Variants in SERPINA12 observed in about 807,000 individuals in gnomAD.
The protein encoded by SERPINA12 is serpin family A member 12.
In SERPINA12, 21 loss-of-function variants were observed where a neutral mutation model predicts 25.9. The observed-to-expected ratio is 0.81, with a 90% confidence interval of 0.58 to 1.17. The LOEUF is 1.17. SERPINA12 is among the 50% of genes most tolerant of loss of function. The pLI is 0.00. For missense variants in SERPINA12, 562 were observed against 508.3 expected, an observed-to-expected ratio of 1.11 and a Z score of -1.02; for synonymous variants, 220 against 196.0, an observed-to-expected ratio of 1.12 and a Z score of -1.02.
rs180807632 is a variant in SERPINA12, at chr14:94,490,029, C to T, written c.906-262G>A. ...AGTGTTCTCAAGTCTCAAGTTCCCC[C>T]GTCTCAGAGCCCCTTCAGCCACAGT... is the stretch of plus-strand genomic sequence containing the variant. On this transcript the variant is annotated intron_variant, in intron 3 of 4. Coordinates refer to ENST00000677451, the MANE Select transcript of SERPINA12 (RefSeq NM_001382267.1). Among the ~76,000 whole-genome samples, 1,109 of 152,128 alleles carry T rather than the reference C, an allele frequency of 7.3e-3. 10 individuals are homozygous for T. The highest frequency in any genetic ancestry group is 0.02 in the South Asian group (94 of 4,816).
upstream of SERPINA12, chr14:94,509,910 G>A: frequency 2.2e-6 from 2 of 890,660 alleles, no homozygotes; most frequent in Non-Finnish European, 2.7e-6. Flanking sequence ...GGACAGGACA[G>A]GAATGGGTGT....
chr14:94,516,443 A>T (rs892701364), intron 1 of SERPINA12, among the ~76,000 whole-genome samples: 23 of 152,200 alleles, frequency 1.5e-4, no homozygotes, highest in African/African-American at 5.5e-4. Context: ...TGAGACCTGG[A>T]GAACTGAAGG....
At chr14:94,505,817 G>A (rs1900910767) in intron 1 of SERPINA12, among the ~76,000 whole-genome samples, 1 of 152,230 alleles carries the variant, frequency 6.6e-6, no homozygotes, top group Non-Finnish European at 1.5e-5. Flanking sequence ...GCAGCACTGG[G>A]GATGCCTGAG....
chr14:94,487,498 C>T lies in SERPINA12; in HGVS notation c.1054-4G>A, dbSNP rs1395360104. The T allele has an allele frequency of 6.3e-6, 10 of 1,598,680 alleles. No homozygotes were observed. The highest frequency in any genetic ancestry group is 3.5e-5 in the Admixed American group (2 of 57,492). ...TCAGCTCAGCCTTGTGCACAGCCTA[C>T]GGAAGCCAAGGGCAAAGTCAAGGTC... On this transcript the variant is annotated splice_region_variant and splice_polypyrimidine_tract_variant and intron_variant, in intron 4 of 4. Coordinates refer to ENST00000677451, the MANE Select transcript of SERPINA12 (RefSeq NM_001382267.1).
chr14:94,492,113 G>A (rs767108826), intron 3 of SERPINA12, among the ~76,000 whole-genome samples: 7 of 152,150 alleles, frequency 4.6e-5, no homozygotes, highest in Non-Finnish European at 1.0e-4. Flanking sequence ...AGTGCCTTAA[G>A]GAGGTGGGGA....
intron 1 of SERPINA12, among the ~76,000 whole-genome samples, chr14:94,505,032 CA>C (rs1221391534): frequency 2.0e-5 from 3 of 152,224 alleles, no homozygotes; most frequent in Non-Finnish European, 1.5e-5. Context: ...TGCCTATCTT[CA>C]ATTCTGCTTA....
At chr14:94,489,984 C>T (rs1900094687) in intron 3 of SERPINA12, among the ~76,000 whole-genome samples, 3 of 152,128 alleles carry the variant, frequency 2.0e-5, no homozygotes, top group Admixed American at 2.0e-4. Flanking sequence ...AGCACACCTG[C>T]CCCAGAGCCC....
At chr14:94,494,271 G>C (rs1463799804) in intron 3 of SERPINA12, among the ~76,000 whole-genome samples, 4 of 152,188 alleles carry the variant, frequency 2.6e-5, no homozygotes, top group Admixed American at 2.6e-4. Flanking sequence ...AAAATCTGTA[G>C]AGTGCAGGCT....
chr14:94,508,118 G>A (rs1242649137), intron 1 of SERPINA12, among the ~76,000 whole-genome samples: 1 of 152,196 alleles, frequency 6.6e-6, no homozygotes, highest in African/African-American at 2.4e-5. Flanking sequence ...ACACTGCAAA[G>A]CCCAAATCCC....
Position 94,496,478 on chromosome 14 carries a change from T to C in SERPINA12, c.800A>G (p.Asn267Ser), listed in dbSNP as rs765439918. The C allele has an allele frequency of 6.2e-7, 1 of 1,614,124 alleles. No individual in the cohort carries two copies. Among genetic ancestry groups the C allele is most frequent in the South Asian group, 1.1e-5 (1 of 91,074 alleles). The change falls in exon 3 of 5, where the codon AAT (asparagine) becomes AGT (serine). Residue 267 changes from asparagine (N) to serine (S), a missense_variant. By Grantham distance (46) the Asn-to-Ser change is conservative. Coordinates refer to ENST00000677451, the MANE Select transcript of SERPINA12 (RefSeq NM_001382267.1). ...CTILEIPYQK[N>S]ITAIFILPDE... ...AGGAAGGATGAAGATGGCTGTGATATTTTTCTGGTAGGGTATTTCCAGGAT... is the reference window on the plus strand; with the variant it reads ...AGGAAGGATGAAGATGGCTGTGATACTTTTCTGGTAGGGTATTTCCAGGAT...
chr14:94,493,498 G>T (rs1386546551), intron 3 of SERPINA12, among the ~76,000 whole-genome samples: 1 of 152,180 alleles, frequency 6.6e-6, no homozygotes, highest in African/African-American at 2.4e-5. Context: ...GGGGGAGGCA[G>T]ACCAGGCACT....
At chr14:94,498,474 C>T in intron 1 of SERPINA12, 44 bp from the exon 2 acceptor site, 1 of 1,466,282 alleles carries the variant, frequency 6.8e-7, no homozygotes, top group South Asian at 1.3e-5. Context: ...CCATTGCCTA[C>T]ATGTTACCCA....
chr14:94,490,779 C>T (rs559075440), intron 3 of SERPINA12, among the ~76,000 whole-genome samples: 1 of 152,268 alleles, frequency 6.6e-6, no homozygotes, highest in East Asian at 1.9e-4. Flanking sequence ...CGTTGACAAC[C>T]AGCCCCACGT....
exon 2 of SERPINA12, chr14:94,515,967 C>T (rs1438062704): frequency 1.3e-5 from 2 of 152,372 alleles, no homozygotes; most frequent in African/African-American, 4.8e-5. Flanking sequence ...ATGTACCAGC[C>T]CGCAGCATCC....
upstream of SERPINA12, among the ~76,000 whole-genome samples, chr14:94,510,741 C>T (rs144432376): frequency 6.6e-6 from 1 of 152,308 alleles, no homozygotes; most frequent in Non-Finnish European, 1.5e-5. Context: ...GGTATATACA[C>T]ACCATGGAAT....
At chr14:94,504,054 C>T (rs575911812) in intron 1 of SERPINA12, 1 of 152,366 alleles carries the variant, frequency 6.6e-6, no homozygotes, top group Non-Finnish European at 1.5e-5. Context: ...GCTACATCCT[C>T]CCTCGATCTG....
intron 3 of SERPINA12, among the ~76,000 whole-genome samples, chr14:94,490,354 G>T (rs1190412347): frequency 1.3e-5 from 2 of 152,100 alleles, no homozygotes; most frequent in Non-Finnish European, 2.9e-5. Flanking sequence ...CCTCCAACTA[G>T]CAGCTTCACA....
intron 1 of SERPINA12, among the ~76,000 whole-genome samples, chr14:94,506,082 C>T (rs959530684): frequency 3.9e-5 from 6 of 152,190 alleles, no homozygotes; most frequent in African/African-American, 1.4e-4. Flanking sequence ...ATTCAGGTCC[C>T]ATGGATTTGT....
chr14:94,514,765 G>A lies in SERPINA12; in HGVS notation c.-18+1055C>T, dbSNP rs564093522. ...TGGTGGCAGTTGGTGGCCAGAGGTA[G>A]GCAGGTGGTGGGGCTTTGAGTCTGT... is the stretch of plus-strand genomic sequence containing the variant. On this transcript the variant is annotated intron_variant, in intron 2 of 5. Transcript: ENST00000341228. Among the ~76,000 whole-genome samples, 244 of 152,314 alleles carry A rather than the reference G, an allele frequency of 1.6e-3. 1 individual carries two copies. The highest frequency in any genetic ancestry group is 5.4e-3 in the African/African-American group (225 of 41,568).
Sources: gnomAD v4.1 joint callset for allele counts (sites outside exome capture counted in the v4.1 genomes callset) on GRCh38, gnomAD v4.1.1 for gene constraint, MANE v1.5 for transcripts, NCBI Gene and HGNC (gene_info 2026-07-23, HGNC 2026-07-21) for gene names.